Variants in ANKFY1 observed in about 807,000 individuals in gnomAD.
ANKFY1 encodes the protein ankyrin repeat and FYVE domain-containing protein 1.
ANKFY1 carries 47 observed loss-of-function variants against 128.3 expected under a neutral mutation model. That is an observed-to-expected ratio of 0.37 (90% CI 0.29 to 0.47). The LOEUF (loss-of-function observed/expected upper bound fraction) is 0.47, where lower values mean the gene tolerates loss of function less well. ANKFY1 is among the 20% of genes least tolerant of loss of function. The pLI, the probability that ANKFY1 is intolerant of heterozygous loss-of-function variation, is 1.00. For synonymous variants in ANKFY1, 553 were observed against 601.6 expected, an observed-to-expected ratio of 0.92 and a Z score of 1.18; for missense variants, 1,222 against 1,510.6, an observed-to-expected ratio of 0.81 and a Z score of 3.17.
chr17:4,182,758 T>C (rs551329415), intron 14 of ANKFY1, among the ~76,000 whole-genome samples: 2 of 152,286 alleles, frequency 1.3e-5, no homozygotes, highest in East Asian at 1.9e-4. Context: ...TCAGGCCTTG[T>C]TGGTGGCTCA....
chr17:4,201,216 G>A (rs1193259890), intron 7 of ANKFY1, among the ~76,000 whole-genome samples: 1 of 152,162 alleles, frequency 6.6e-6, no homozygotes, highest in Non-Finnish European at 1.5e-5. Flanking sequence ...TATTTTTGTA[G>A]AGGTGAGGTC....
intron 10 of ANKFY1, among the ~76,000 whole-genome samples, chr17:4,189,932 G>A (rs2059687797): frequency 1.3e-5 from 2 of 152,250 alleles, no homozygotes; most frequent in East Asian, 3.9e-4. Flanking sequence ...GGAACGCCCC[G>A]GGCTGGAACA....
chr17:4,243,932 A>T (rs955322077), intron 1 of ANKFY1, among the ~76,000 whole-genome samples: 1 of 144,522 alleles, frequency 6.9e-6, no homozygotes, highest in Admixed American at 6.8e-5. Context: ...AAGATAAACA[A>T]TTTTTTTTTT....
At chr17:4,187,490 A>G in intron 11 of ANKFY1, 1 of 382,874 alleles carries the variant, frequency 2.6e-6, no homozygotes, top group Non-Finnish European at 4.6e-6. Context: ...CCCACAGGAT[A>G]AAGCCCACAC....
At chr17:4,263,285 G>A (rs1968520337) in intron 1 of ANKFY1, among the ~76,000 whole-genome samples, 1 of 152,218 alleles carries the variant, frequency 6.6e-6, no homozygotes, top group Non-Finnish European at 1.5e-5. Context: ...GGAGGCAAAG[G>A]CACAGAGGTC....
chr17:4,222,846 C>G, intron 3 of ANKFY1: 1 of 956,414 alleles, frequency 1.0e-6, no homozygotes, highest in South Asian at 1.3e-5. Flanking sequence ...GTTGTCTCAG[C>G]CATCCACCCA....
chr17:4,219,440 C>A (rs1037631127), intron 3 of ANKFY1, among the ~76,000 whole-genome samples: 11 of 152,170 alleles, frequency 7.2e-5, no homozygotes, highest in African/African-American at 2.7e-4. Context: ...AGCACATGTC[C>A]TAACAAGTCC....
intron 1 of ANKFY1, among the ~76,000 whole-genome samples, chr17:4,249,347 C>T (rs889382901): frequency 6.6e-6 from 1 of 152,146 alleles, no homozygotes; most frequent in African/African-American, 2.4e-5. Context: ...ATATAATTTT[C>T]ACATCATGAT....
Position 4,208,053 on chromosome 17 carries a change from G to A in ANKFY1, c.612C>T (p.Ser204=), listed in dbSNP as rs1212296165. 2 of 1,609,780 alleles carry A rather than the reference G, an allele frequency of 1.2e-6. No individual in the cohort carries two copies. Among genetic ancestry groups the A allele is most frequent in the Admixed American group, 1.7e-5 (1 of 59,176 alleles). The part of the protein sequence containing the change: ...WDDLRKEDFS[S]MSAQLLYKMI... ...TTTTGTATAACAACTGAGCGCTCAT[G>A]CTGCTGAAATCCTCCTTCCTCAGGT... The change falls in exon 6 of 25, where the codon AGC becomes AGT. Residue 204 remains serine, a synonymous_variant. Coordinates refer to ENST00000341657, the MANE Select transcript of ANKFY1 (RefSeq NM_001330063.2).
chr17:4,247,413 T>C (rs1370224504), intron 1 of ANKFY1, among the ~76,000 whole-genome samples: 1 of 152,152 alleles, frequency 6.6e-6, no homozygotes, highest in Non-Finnish European at 1.5e-5. Flanking sequence ...AGAAGCTAGA[T>C]AAAAGGAGGG....
Position 4,165,930 on chromosome 17 carries a change from G to C in ANKFY1, c.*1849C>G, listed in dbSNP as rs1188494260. ...TAACCAAGCTACCTAAGCCCTGCCT[G>C]CTTCCTTATGGCCCTTTCCAGGTAA... On this transcript the variant is annotated 3_prime_UTR_variant, in exon 25 of 25. Coordinates refer to ENST00000341657, the MANE Select transcript of ANKFY1 (RefSeq NM_001330063.2). The C allele has an allele frequency of 6.6e-6, 1 of 152,196 alleles. No homozygotes were observed. Among genetic ancestry groups the C allele is most frequent in the Non-Finnish European group, 1.5e-5 (1 of 68,050 alleles). 9.4% of individuals were successfully genotyped at this position (152,196 alleles called of 1,614,324 possible). A position where few individuals can be genotyped will look rare whatever the true frequency, so the allele number is the denominator to read the frequency against.
At chr17:4,256,358 G>A (rs1968126546) in intron 1 of ANKFY1, among the ~76,000 whole-genome samples, 1 of 152,182 alleles carries the variant, frequency 6.6e-6, no homozygotes, top group Admixed American at 6.5e-5. Context: ...AACCCGGGAG[G>A]TGGAGCCTGC....
Position 4,183,845 on chromosome 17 carries a change from C to T in ANKFY1, c.1765G>A (p.Asp589Asn), listed in dbSNP as rs781305136. Residue 589 changes from aspartate to asparagine, a missense_variant, in exon 13 of 25, where the codon GAC becomes AAC. Physicochemically the swap from Asp to Asn is conservative, Grantham distance 23 (BLOSUM62 1). Coordinates refer to ENST00000341657, the MANE Select transcript of ANKFY1 (RefSeq NM_001330063.2). ...IPDFSLKDSR[D>N]QTVLGLALWT... Reference sequence around the variant, plus strand: ...AATGCCAGGCCCAGCACAGTCTGGTCTCGGGAATCTTTGAGGCTGAAGTCC... The same window carrying T: ...AATGCCAGGCCCAGCACAGTCTGGTTTCGGGAATCTTTGAGGCTGAAGTCC... 1.2e-6 allele frequency: 2 copies of T among 1,613,936 alleles called. No homozygotes were observed. Among genetic ancestry groups the T allele is most frequent in the East Asian group, 2.2e-5 (1 of 44,886 alleles).
At position 4,181,659 on chromosome 17, in the gene ANKFY1, CAG is replaced by C. The variant is rs1425031267; in HGVS notation, c.2122-289_2122-288del. 3.9e-5 allele frequency among the ~76,000 whole-genome samples: 6 copies of C among 152,142 alleles called. No individual in the cohort carries two copies. Among genetic ancestry groups the C allele is most frequent in the East Asian group, 3.8e-4 (2 of 5,196 alleles). On this transcript the variant is annotated intron_variant, in intron 15 of 24. Transcript: ENST00000341657. This position sits in a 1 kb window ranked among gnomAD's most constrained non-coding sequence, Gnocchi z 4.9. ...GCTGAGTTCTAGAAGGGACAGAAAA[CAG>C]AAAGTGTCTGTGTACACATGCACCA...
At chr17:4,229,776 TG>T (rs1476681220) in intron 3 of ANKFY1, among the ~76,000 whole-genome samples, 1 of 152,196 alleles carries the variant, frequency 6.6e-6, no homozygotes, top group Non-Finnish European at 1.5e-5. Context: ...CCTCATGACA[TG>T]GCCGCTAACG....
chr17:4,166,507 T>C lies in ANKFY1; in HGVS notation c.*1272A>G, dbSNP rs1314652179. The C allele has an allele frequency of 6.5e-6, 1 of 152,674 alleles. No individual in the cohort carries two copies. Among genetic ancestry groups the C allele is most frequent in the Non-Finnish European group, 1.5e-5 (1 of 68,048 alleles). The allele number at this position is 152,674 out of a possible 1,614,324, so 9.5% of individuals were successfully genotyped here. ...TGGCCAAACCTTCAAAAGAAAAGTT[T>C]AACACCTCACGGTTAATATATGTAC... On this transcript the variant is annotated 3_prime_UTR_variant, in exon 25 of 25. Transcript: ENST00000341657.
At position 4,235,855 on chromosome 17, in the gene ANKFY1, C is replaced by G. The variant is rs759265519; in HGVS notation, c.239G>C (p.Ser80Thr). The part of the protein sequence containing the change: ...LKIKVGDRHI[S>T]AHKFVLAARS... Reference sequence around the variant, plus strand: ...GGCTGCCAGGACAAACTTGTGAGCACTGATGTGCCTGTCCCCAACCTTTAT... The same window carrying G: ...GGCTGCCAGGACAAACTTGTGAGCAGTGATGTGCCTGTCCCCAACCTTTAT... Residue 80 changes from serine to threonine, a missense_variant, in exon 3 of 25, where the codon AGT (serine) becomes ACT (threonine). Ser to Thr is a moderately conservative substitution (Grantham distance 58, BLOSUM62 1). Transcript: ENST00000341657. The G allele has an allele frequency of 6.2e-7, 1 of 1,614,036 alleles. No individual in the cohort carries two copies. The highest frequency in any genetic ancestry group is 8.5e-7 in the Non-Finnish European group (1 of 1,180,016).
chr17:4,169,138 G>A lies in ANKFY1; in HGVS notation c.3377+60C>T. On this transcript the variant is annotated intron_variant, in intron 24 of 24. Transcript: ENST00000341657. This position sits in a 1 kb window ranked among gnomAD's most constrained non-coding sequence, Gnocchi z 5.0. ...GTTCACGGCCTGTCCTGGAGAAGGG[G>A]GGAAGCAATGACATCAGCGGCAGTC... is the stretch of plus-strand genomic sequence containing the variant. 2 of 1,457,708 alleles carry A rather than the reference G, an allele frequency of 1.4e-6. No individual in the cohort carries two copies. The allele number at this position is 1,457,708 out of a possible 1,614,324, so 90.3% of individuals were successfully genotyped here.
At chr17:4,239,331 CAA>C (rs1031518553) in intron 2 of ANKFY1, among the ~76,000 whole-genome samples, 3 of 151,956 alleles carry the variant, frequency 2.0e-5, no homozygotes, top group Admixed American at 2.0e-4. Context: ...CAGTAAGAAA[CAA>C]AGTTTTCACT....
Sources: gnomAD v4.1 joint callset for allele counts (sites outside exome capture counted in the v4.1 genomes callset) on GRCh38, gnomAD v4.1.1 for gene constraint, Gnocchi (gnomAD v3.1) non-coding constraint, MANE v1.5 for transcripts, NCBI Gene and HGNC (gene_info 2026-07-23, HGNC 2026-07-21) for gene names.